Variants in RESF1 observed in about 807,000 individuals in gnomAD.
RESF1 encodes retroelement silencing factor 1.
In RESF1, 65 loss-of-function variants were observed where a neutral mutation model predicts 134.7. The ratio of observed to expected loss-of-function variants is 0.48; its 90% CI spans 0.40 to 0.59. The LOEUF is 0.59. RESF1 is among the 20% of genes least tolerant of loss of function. RESF1 has a pLI of 0.00. For synonymous variants in RESF1, 762 were observed against 702.2 expected (o/e 1.09, Z -1.35); for missense variants, 2,274 against 2,002.7 (o/e 1.14, Z -2.59).
Position 31,981,165 on chromosome 12 carries a change from T to C in RESF1, c.210T>C (p.Pro70=). ...SQPLLNIQNY[P]QQISVSDMHN... is the part of the protein sequence containing the mutation. ...CACTGCTGAATATCCAAAATTATCC[T>C]CAACAAATTTCTGTTTCTGATATGC... Residue 70 remains proline (P), a synonymous_variant, in exon 4 of 6, where the codon CCT becomes CCC. Coordinates refer to ENST00000312561, the MANE Select transcript of RESF1 (RefSeq NM_018169.4). 1 of 1,614,072 alleles carries C rather than the reference T, an allele frequency of 6.2e-7. No homozygotes were observed. The highest frequency in any genetic ancestry group is 1.7e-5 in the Admixed American group (1 of 60,024).
At position 31,984,240 on chromosome 12, in the gene RESF1, T is replaced by A; in HGVS notation, c.3285T>A (p.Ser1095=). The A allele has an allele frequency of 6.2e-7, 1 of 1,614,050 alleles. No homozygotes were observed. Among genetic ancestry groups the A allele is most frequent in the Non-Finnish European group, 8.5e-7 (1 of 1,179,986 alleles). The stretch of plus-strand genomic sequence containing the variant: ...ATCAAACTGCTGATAAAACCAGTTC[T>A]GACTCCAAAGACCCAGCAGATCAAA... ...SEDQTADKTS[S]DSKDPADQIQ... is the part of the protein sequence containing the mutation. Residue 1095 remains serine (S), a synonymous_variant, in exon 4 of 6, where the codon TCT becomes TCA. Transcript: ENST00000312561.
rs200406684 is a variant in RESF1 at position 31,985,503 on chromosome 12, T to G, written c.4548T>G (p.Gly1516=). The G allele has an allele frequency of 5.9e-5, 95 of 1,603,238 alleles. 1 individual carries two copies. In the Admixed American group the frequency reaches 1.7e-3, roughly 28 times the overall value. The part of the protein sequence containing the change: ...KESLNGLTSH[G]KNLKIHHSQE... The stretch of plus-strand genomic sequence containing the variant: ...CATTAAATGGCTTGACAAGCCATGG[T>G]AAAAACCTCAAAATCCACCATTCTC... Residue 1516 remains glycine (G), a synonymous_variant, in exon 4 of 6, where the codon GGT becomes GGG. Transcript: ENST00000312561.
At chr12:31,974,568 A>G (rs770472366) in intron 3 of RESF1, among the ~76,000 whole-genome samples, 42 of 151,808 alleles carry the variant, frequency 2.8e-4, no homozygotes, top group Non-Finnish European at 5.4e-4. Flanking sequence ...CCCTCTTCCT[A>G]TGGGGGATAC....
At chr12:31,978,537 T>A (rs181921614) in intron 3 of RESF1, among the ~76,000 whole-genome samples, 2 of 150,272 alleles carry the variant, frequency 1.3e-5, no homozygotes, top group African/African-American at 2.4e-5. Context: ...GTATTTGGGG[T>A]TTTTTTTTGT....
intron 2 of RESF1, among the ~76,000 whole-genome samples, chr12:31,964,177 G>A (rs557685068): frequency 6.7e-6 from 1 of 150,288 alleles, no homozygotes; most frequent in South Asian, 2.1e-4. Flanking sequence ...GTGTAGGTTT[G>A]GGGGTACGTG....
At chr12:31,961,992 G>T (rs1483919058) in intron 2 of RESF1, among the ~76,000 whole-genome samples, 2 of 152,184 alleles carry the variant, frequency 1.3e-5, no homozygotes, top group South Asian at 2.1e-4. Flanking sequence ...AGAGGCTGGG[G>T]CAGGCAGATC....
At chr12:31,974,011 T>A (rs1004938883) in intron 3 of RESF1, among the ~76,000 whole-genome samples, 2 of 152,092 alleles carry the variant, frequency 1.3e-5, no homozygotes, top group African/African-American at 4.8e-5. Context: ...AAGAGGGGAT[T>A]GTCAAGACTC....
rs1592264646 is a variant in RESF1 at position 31,985,240 on chromosome 12, A to G, written c.4285A>G (p.Lys1429Glu). The part of the protein sequence containing the change: ...IVKEKMVSNT[K>E]SVDTKASSSK... ...TAAAGAAAAGATGGTATCAAATACT[A>G]AGTCTGTAGACACGAAAGCGAGTTC... Residue 1429 changes from lysine (K) to glutamate (E), a missense_variant, in exon 4 of 6, where the codon AAG becomes GAG. By Grantham distance (56) the Lys-to-Glu change is moderately conservative. Coordinates refer to ENST00000312561, the MANE Select transcript of RESF1 (RefSeq NM_018169.4). 1.1e-5 allele frequency: 17 copies of G among 1,602,362 alleles called. No homozygotes were observed. In the East Asian group the frequency reaches 3.8e-4, roughly 36 times the overall value.
intron 3 of RESF1, among the ~76,000 whole-genome samples, chr12:31,978,712 ATTTTTTT>A (rs35842957): frequency 2.9e-4 from 35 of 121,926 alleles, no homozygotes; most frequent in Middle Eastern, 4.6e-3. Flanking sequence ...CACCCAGCTA[ATTTTTTT>A]TTTTTTTTTT....
chr12:31,981,198 G>A lies in RESF1; in HGVS notation c.243G>A (p.Gly81=), dbSNP rs774894143. ...QQISVSDMHN[G]TVVASHTSVE... Reference sequence around the variant, plus strand: ...TTTCTGTTTCTGATATGCATAATGGGACAGTTGTGGCCTCACACACTTCAG... The same window carrying A: ...TTTCTGTTTCTGATATGCATAATGGAACAGTTGTGGCCTCACACACTTCAG... The change falls in exon 4 of 6, where the codon GGG becomes GGA. Residue 81 remains glycine (G), a synonymous_variant. Coordinates refer to ENST00000312561, the MANE Select transcript of RESF1 (RefSeq NM_018169.4). The A allele has an allele frequency of 2.5e-6, 4 of 1,614,070 alleles. No individual in the cohort carries two copies. The African/African-American group carries it at 4.0e-5, about 16-fold the overall frequency.
chr12:31,989,422 AAG>A (rs1369047446), intron 5 of RESF1, among the ~76,000 whole-genome samples: 4 of 145,156 alleles, frequency 2.8e-5, no homozygotes, highest in Non-Finnish European at 6.0e-5. Flanking sequence ...AAAATAGGCA[AAG>A]AGGGGTTCAG....
intron 3 of RESF1, among the ~76,000 whole-genome samples, chr12:31,979,757 A>G (rs990420547): frequency 2.7e-5 from 4 of 150,074 alleles, no homozygotes; most frequent in Non-Finnish European, 5.9e-5. Flanking sequence ...GGGTTTCACT[A>G]TGTTTCCCAG....
At chr12:31,962,298 G>T (rs1202049966) in intron 2 of RESF1, among the ~76,000 whole-genome samples, 1 of 151,854 alleles carries the variant, frequency 6.6e-6, no homozygotes, top group Non-Finnish European at 1.5e-5. Flanking sequence ...CCCATTAGAG[G>T]CACACTCTAT....
At chr12:31,966,624 T>A (rs997335780) in intron 2 of RESF1, among the ~76,000 whole-genome samples, 2 of 152,216 alleles carry the variant, frequency 1.3e-5, no homozygotes, top group Non-Finnish European at 2.9e-5. Flanking sequence ...CTCCCTTTTT[T>A]AGGGAGAAAG....
At chr12:31,962,845 C>A (rs1366328632) in intron 2 of RESF1, among the ~76,000 whole-genome samples, 4 of 152,210 alleles carry the variant, frequency 2.6e-5, no homozygotes, top group Non-Finnish European at 4.4e-5. Flanking sequence ...TGCCTGTAAT[C>A]CCAGCACTTT....
rs754663852 is a variant in RESF1, at chr12:31,985,744, C to G, written c.4789C>G (p.Leu1597Val). 2.5e-6 allele frequency: 4 copies of G among 1,583,018 alleles called. No individual in the cohort carries two copies. The highest frequency in any genetic ancestry group is 2.4e-5 in the South Asian group (2 of 85,072). ...ATGCACTGAACGTGAAAGCATTTCT[C>G]TCACCAAATTAGAAAGTTCACCCAG... ...FKCTERESISLTKLESSPRKL... is the reference protein window; with the variant it reads ...FKCTERESISVTKLESSPRKL... The change falls in exon 4 of 6, where the codon CTC (leucine) becomes GTC (valine). Residue 1597 changes from leucine (L) to valine (V), a missense_variant. Leu to Val is a conservative substitution (Grantham distance 32, BLOSUM62 1). Coordinates refer to ENST00000312561, the MANE Select transcript of RESF1 (RefSeq NM_018169.4).
At chr12:31,971,131 TA>T (rs1939496652) in intron 3 of RESF1, among the ~76,000 whole-genome samples, 1 of 152,238 alleles carries the variant, frequency 6.6e-6, no homozygotes, top group Non-Finnish European at 1.5e-5. Flanking sequence ...TGTCTGATAC[TA>T]GTATAGGCAT....
rs150906412 is a variant in RESF1, at chr12:31,982,901, T to G, written c.1946T>G (p.Phe649Cys). 2.8e-4 allele frequency: 455 copies of G among 1,613,962 alleles called. 1 individual carries two copies. The highest frequency in any genetic ancestry group is 1.0e-4 in the Admixed American group (6 of 60,002). The change falls in exon 4 of 6, where the codon TTT (phenylalanine) becomes TGT (cysteine). Residue 649 changes from phenylalanine (F) to cysteine (C), a missense_variant. Phe to Cys is a radical substitution (Grantham distance 205, BLOSUM62 -2). Transcript: ENST00000312561. ...AGTGGCAGGGTTTTGGACAACTCCT[T>G]TTGCAGTGGACAAGAATCCTCAACA... ...NVSGRVLDNS[F>C]CSGQESSTKG...
rs570884024 is a variant in RESF1, at chr12:31,990,501, G to A, written c.5087-1877G>A. Among the ~76,000 whole-genome samples, 9 of 152,170 alleles carry A rather than the reference G, an allele frequency of 5.9e-5. 1 individual carries two copies. In the South Asian group the frequency reaches 1.9e-3, roughly 32 times the overall value. On this transcript the variant is annotated intron_variant, in intron 5 of 5. Transcript: ENST00000312561. ...CTCGCTGTGTCGCCCAGGCTGGAGT[G>A]CAGTGGTGCGACCTAGGCTCACTGC...
Sources: gnomAD v4.1 joint callset for allele counts (sites outside exome capture counted in the v4.1 genomes callset) on GRCh38, gnomAD v4.1.1 for gene constraint, MANE v1.5 for transcripts, NCBI Gene and HGNC (gene_info 2026-07-23, HGNC 2026-07-21) for gene names.